DNAH12: variants seen among roughly 807,000 people sequenced by gnomAD.
DNAH12 encodes dynein axonemal heavy chain 12.
Under a neutral mutation model 371.5 loss-of-function variants are expected in DNAH12, and 285 were observed. The observed-to-expected ratio is 0.77, with a 90% CI of 0.70 to 0.85. DNAH12 has a LOEUF of 0.85. Ranked by LOEUF, DNAH12 falls within the 40% of genes least tolerant of loss-of-function variation. The pLI is 0.00. For synonymous variants in DNAH12, 1,200 were observed against 1,213.0 expected, an observed-to-expected ratio of 0.99 and a Z score of 0.22; for missense variants, 3,611 against 3,689.4, an observed-to-expected ratio of 0.98 and a Z score of 0.55.
chr3:57,454,555 C>G (rs931561881), intron 23 of DNAH12, among the ~76,000 whole-genome samples: 2 of 151,058 alleles, frequency 1.3e-5, no homozygotes, highest in African/African-American at 2.4e-5. Flanking sequence ...TCTTTGCAAA[C>G]AATAGATAAG....
chr3:57,396,106 C>T (rs1448520536), intron 43 of DNAH12, among the ~76,000 whole-genome samples: 1 of 151,354 alleles, frequency 6.6e-6, no homozygotes, highest in Non-Finnish European at 1.5e-5. Context: ...TGGAGAAACC[C>T]TATCTCTACG....
At chr3:57,508,887 G>C (rs2067877259) in intron 6 of DNAH12, among the ~76,000 whole-genome samples, 1 of 152,156 alleles carries the variant, frequency 6.6e-6, no homozygotes, top group Non-Finnish European at 1.5e-5. Context: ...GGAGAAATCT[G>C]TCTGCCATAC....
In DNAH12 at chr3:57,472,665, T is replaced by C. The variant is rs764206124; in HGVS notation, c.1657A>G (p.Lys553Glu). 3.2e-6 allele frequency: 5 copies of C among 1,549,224 alleles called. No individual in the cohort carries two copies. The highest frequency in any genetic ancestry group is 4.4e-6 in the Non-Finnish European group (5 of 1,146,306). The change falls in exon 14 of 74, where the codon AAA (lysine) becomes GAA (glutamate). Residue 553 changes from lysine (K) to glutamate (E), a missense_variant. Around this residue, in one of 3 missense-constraint regions of DNAH12, gnomAD observed 1,314 missense variants for 1,398.7 expected, o/e 0.94. Transcript: ENST00000495027. ...EELILRIQESKRQMSYFLDVF... is the reference protein window; with the variant it reads ...EELILRIQESERQMSYFLDVF... ...TCTAAAAAGTAACTCATTTGGCGTT[T>C]AGATTCCTACAAAAGAAACTCTGGA...
chr3:57,473,868 A>G lies in DNAH12; in HGVS notation c.1651-1197T>C, dbSNP rs550559284. ...TATTAATAGATTAAAGAGAAAAAGC[A>G]TATGATCAACACAGTAGATGCAAAA... is the stretch of plus-strand genomic sequence containing the variant. On this transcript the variant is annotated intron_variant, in intron 13 of 73. Coordinates refer to ENST00000495027, the MANE Select transcript of DNAH12 (RefSeq NM_001366028.2). 2.3e-3 allele frequency among the ~76,000 whole-genome samples: 344 copies of G among 152,266 alleles called. 1 individual carries two copies. Among genetic ancestry groups the G allele is most frequent in the Admixed American group, 3.5e-3 (54 of 15,296 alleles).
chr3:57,304,073 G>A (rs915646068), intron 69 of DNAH12, among the ~76,000 whole-genome samples: 17 of 100,528 alleles, frequency 1.7e-4, no homozygotes, highest in Non-Finnish European at 2.0e-4. Context: ...ACTCCTGCCC[G>A]CCAGAGAACA....
chr3:57,361,473 T>TATATATATATATATATATA (rs1575503074), intron 58 of DNAH12, among the ~76,000 whole-genome samples: 6 of 142,004 alleles, frequency 4.2e-5, no homozygotes, highest in African/African-American at 1.4e-4. Context: ...TATATATATC[T>TATATATATATATATATATA]CATTCAGCTC....
chr3:57,531,394 T>C (rs1222039216), intron 2 of DNAH12, among the ~76,000 whole-genome samples: 1 of 152,166 alleles, frequency 6.6e-6, no homozygotes, highest in Non-Finnish European at 1.5e-5. Flanking sequence ...TGGAGTTCCA[T>C]TGTATGTTAT....
At chr3:57,413,656 A>G (rs1025479281) in intron 39 of DNAH12, 90 bp downstream of exon 39, 13 of 1,356,346 alleles carry the variant, frequency 9.6e-6, no homozygotes, top group Non-Finnish European at 1.2e-5. Context: ...TTTTCCCTAA[A>G]TATCTTGAAA....
At chr3:57,342,012 G>A (rs1379787472) in intron 60 of DNAH12, among the ~76,000 whole-genome samples, 1 of 152,128 alleles carries the variant, frequency 6.6e-6, no homozygotes, top group African/African-American at 2.4e-5. Flanking sequence ...ACATTGATTG[G>A]GGAAGGACAG....
chr3:57,484,048 T>A (rs1258743643), intron 12 of DNAH12, among the ~76,000 whole-genome samples: 1 of 151,374 alleles, frequency 6.6e-6, no homozygotes, highest in African/African-American at 2.4e-5. Flanking sequence ...CATGCAAAAT[T>A]ATGGCATATT....
At chr3:57,344,045 G>A (rs1218927548) in intron 60 of DNAH12, among the ~76,000 whole-genome samples, 2 of 152,118 alleles carry the variant, frequency 1.3e-5, no homozygotes. Context: ...AAAAACTGAG[G>A]GAACTCAGAG....
chr3:57,539,024 T>C (rs1358859717), intron 2 of DNAH12, among the ~76,000 whole-genome samples: 4 of 152,188 alleles, frequency 2.6e-5, no homozygotes, highest in Non-Finnish European at 2.9e-5. Flanking sequence ...ATCCTACTGA[T>C]TCTGCCTCTG....
chr3:57,446,038 T>C lies in DNAH12; in HGVS notation c.4172A>G (p.Asn1391Ser). The change falls in exon 27 of 74, where the codon AAT becomes AGT. Residue 1391 changes from asparagine (N) to serine (S), a missense_variant. By Grantham distance (46) the Asn-to-Ser change is conservative. Transcript: ENST00000495027. ...GYAGRSELPD[N>S]LKVLFRTVAM... ...ATAAATAAATAATATTACCTTAAGA[T>C]TGTCCGGCAATTCAGAGCGTCCTGC... 1.3e-6 allele frequency: 2 copies of C among 1,545,534 alleles called. No homozygotes were observed. Among genetic ancestry groups the C allele is most frequent in the Non-Finnish European group, 8.7e-7 (1 of 1,144,040 alleles).
intron 4 of DNAH12, among the ~76,000 whole-genome samples, chr3:57,519,170 C>T (rs1312180255): frequency 6.6e-6 from 1 of 152,172 alleles, no homozygotes; most frequent in Admixed American, 6.5e-5. Flanking sequence ...ACATCTTTCG[C>T]GTGCTTATTT....
intron 34 of DNAH12, among the ~76,000 whole-genome samples, chr3:57,428,095 A>AT (rs1355314850): frequency 1.3e-5 from 2 of 151,884 alleles, no homozygotes; most frequent in Non-Finnish European, 2.9e-5. Context: ...TGCCCGGCTA[A>AT]TTTTTATATC....
intron 65 of DNAH12, among the ~76,000 whole-genome samples, chr3:57,321,416 TG>T (rs2061803215): frequency 6.6e-6 from 1 of 152,140 alleles, no homozygotes; most frequent in Non-Finnish European, 1.5e-5. Context: ...TAGTACATGT[TG>T]GGGTGAGGGC....
At chr3:57,400,321 G>T (rs979059359) in intron 43 of DNAH12, among the ~76,000 whole-genome samples, 1 of 152,226 alleles carries the variant, frequency 6.6e-6, no homozygotes, top group East Asian at 1.9e-4. Context: ...CATCTGTGTT[G>T]GGGGTTGGTG....
At chr3:57,399,979 G>A (rs2063823573) in intron 43 of DNAH12, among the ~76,000 whole-genome samples, 1 of 152,172 alleles carries the variant, frequency 6.6e-6, no homozygotes, top group Non-Finnish European at 1.5e-5. Context: ...TAGTAGTTAT[G>A]TTTTGGGGGA....
At chr3:57,486,448 T>A (rs1248376747) in intron 12 of DNAH12, among the ~76,000 whole-genome samples, 1 of 151,878 alleles carries the variant, frequency 6.6e-6, no homozygotes, top group African/African-American at 2.4e-5. Flanking sequence ...AAATCGGTAT[T>A]GTCATTCTAT....
Sources: allele counts gnomAD v4.1 joint callset (sites outside exome capture counted in the v4.1 genomes callset), GRCh38; gene constraint gnomAD v4.1.1; regional missense constraint gnomAD v4.1.1; transcripts MANE v1.5; gene names NCBI Gene and HGNC (gene_info 2026-07-23, HGNC 2026-07-21).